The following RIC1 variants were observed in gnomAD, a reference collection of about 807,000 sequenced individuals.
The protein encoded by RIC1 is guanine nucleotide exchange factor subunit RIC1.
In RIC1, 88 loss-of-function variants were observed where a neutral mutation model predicts 169.0. The observed-to-expected ratio is 0.52, with a 90% CI of 0.44 to 0.62. The LOEUF is 0.62. Ranked by LOEUF, RIC1 falls within the 20% of genes least tolerant of loss-of-function variation. RIC1 has a pLI of 0.00. For missense variants in RIC1, 1,877 were observed against 1,725.5 expected, an observed-to-expected ratio of 1.09 and a Z score of -1.56; for synonymous variants, 790 against 601.5, an observed-to-expected ratio of 1.31 and a Z score of -4.59.
chr9:5,674,359 G>C (rs1013679582), intron 2 of RIC1, among the ~76,000 whole-genome samples: 1 of 151,980 alleles, frequency 6.6e-6, no homozygotes, highest in Non-Finnish European at 1.5e-5. Flanking sequence ...GCCCAAGTAA[G>C]GATGAATTAA....
At chr9:5,692,691 C>T (rs558609083) in intron 3 of RIC1, among the ~76,000 whole-genome samples, 2 of 151,932 alleles carry the variant, frequency 1.3e-5, no homozygotes, top group African/African-American at 4.8e-5. Flanking sequence ...AAAATAACTT[C>T]TTTCATTGTT....
At chr9:5,638,536 G>C (rs920881873) in intron 1 of RIC1, among the ~76,000 whole-genome samples, 1 of 152,124 alleles carries the variant, frequency 6.6e-6, no homozygotes, top group Non-Finnish European at 1.5e-5. Flanking sequence ...GTCTGTTCAG[G>C]TTTTGAATTT....
intron 7 of RIC1, among the ~76,000 whole-genome samples, chr9:5,733,500 C>A (rs1380371518): frequency 1.3e-5 from 2 of 151,952 alleles, no homozygotes; most frequent in African/African-American, 4.8e-5. Context: ...GATCTCCTGA[C>A]CTTGTGATCC....
chr9:5,777,162 A>G (rs980562010), downstream of RIC1, among the ~76,000 whole-genome samples: 2 of 152,136 alleles, frequency 1.3e-5, no homozygotes, highest in South Asian at 4.1e-4. Context: ...TTTTTGAAGA[A>G]AAATGTCTGT....
intron 3 of RIC1, among the ~76,000 whole-genome samples, chr9:5,710,597 G>A (rs539404733): frequency 6.6e-6 from 1 of 152,222 alleles, no homozygotes; most frequent in East Asian, 1.9e-4. Flanking sequence ...TAAGAACAAA[G>A]GACTAAACAT....
intron 7 of RIC1, among the ~76,000 whole-genome samples, chr9:5,736,432 A>G (rs1156257133): frequency 6.6e-6 from 1 of 152,198 alleles, no homozygotes. Flanking sequence ...GAGAAACAAA[A>G]TTATCTCTCT....
intron 3 of RIC1, chr9:5,712,810 T>G (rs976457895): frequency 6.6e-6 from 1 of 152,198 alleles, no homozygotes; most frequent in African/African-American, 2.4e-5. Flanking sequence ...GTCACATCAG[T>G]CAGACATGTT....
intron 3 of RIC1, among the ~76,000 whole-genome samples, chr9:5,690,582 C>G: frequency 7.0e-6 from 1 of 143,146 alleles, no homozygotes; most frequent in Non-Finnish European, 1.5e-5. Flanking sequence ...TTTTTTTAAT[C>G]AAGCCATAAA....
chr9:5,720,615 A>G lies in RIC1; in HGVS notation c.585A>G (p.Val195=), dbSNP rs1178386095. 2 of 1,585,372 alleles carry G rather than the reference A, an allele frequency of 1.3e-6. No homozygotes were observed. The highest frequency in any genetic ancestry group is 3.9e-5 in the Admixed American group (2 of 50,750). The part of the protein sequence containing the change: ...PFSVDLQSSR[V]GSFLGFTDVH... ...TCATGTGCTTATTTTTTTCATCAGT[A>G]GGTTCATTCCTGGGCTTCACAGACG... Residue 195 remains valine (V), a splice_region_variant and synonymous_variant, in exon 6 of 26, where the codon GTA becomes GTG. Transcript: ENST00000414202.
At chr9:5,754,790 TATA>T in intron 14 of RIC1, 48 bp from the exon 15 acceptor site, 1 of 1,068,194 alleles carries the variant, frequency 9.4e-7, no homozygotes, top group Non-Finnish European at 1.4e-6. Context: ...ATTACTTTGT[TATA>T]ATTTCTGGTA....
At chr9:5,732,054 G>A (rs895905961) in intron 6 of RIC1, among the ~76,000 whole-genome samples, 7 of 152,254 alleles carry the variant, frequency 4.6e-5, no homozygotes, top group Non-Finnish European at 1.0e-4. Context: ...TGCTGTTTCC[G>A]CTGTCAAAAT....
At position 5,747,354 on chromosome 9, in the gene RIC1, G is replaced by T; in HGVS notation, c.1301G>T (p.Cys434Phe). 6.2e-7 allele frequency: 1 copy of T among 1,614,066 alleles called. No individual in the cohort carries two copies. The highest frequency in any genetic ancestry group is 8.5e-7 in the Non-Finnish European group (1 of 1,179,958). Residue 434 changes from cysteine (C) to phenylalanine (F), a missense_variant, in exon 12 of 26, where the codon TGT becomes TTT. This residue lies in a region of RIC1 where 1,104 missense variants were observed against 992.0 expected (regional missense o/e 1.11). Coordinates refer to ENST00000414202, the MANE Select transcript of RIC1 (RefSeq NM_020829.4). ...LQGEDRLYLN[C>F]GEASQTQNPR... ...GGTGAGGATCGCTTGTACTTGAACT[G>T]TGGAGAGGCTTCACAAACCCAGAAT...
intron 2 of RIC1, among the ~76,000 whole-genome samples, chr9:5,681,704 C>T (rs932884916): frequency 6.6e-5 from 10 of 152,104 alleles, no homozygotes; most frequent in African/African-American, 2.4e-4. Flanking sequence ...TCCTTGTTAA[C>T]TTTCTGTCTC....
intron 6 of RIC1, among the ~76,000 whole-genome samples, chr9:5,725,718 A>G (rs1207925741): frequency 2.0e-5 from 3 of 151,954 alleles, no homozygotes; most frequent in African/African-American, 7.3e-5. Context: ...TTCCCTCTAC[A>G]CACTGCTTTA....
At chr9:5,666,227 A>C (rs1012780603) in intron 2 of RIC1, among the ~76,000 whole-genome samples, 4 of 152,208 alleles carry the variant, frequency 2.6e-5, no homozygotes, top group Non-Finnish European at 5.9e-5. Flanking sequence ...GCTGTGCTAC[A>C]CTGCAGGAAA....
rs749974767 is a variant in RIC1, at chr9:5,763,530, C to A, written c.2503C>A (p.Leu835Ile). The A allele has an allele frequency of 6.2e-7, 1 of 1,614,202 alleles. No individual in the cohort carries two copies. Residue 835 changes from leucine (L) to isoleucine (I), a missense_variant, in exon 19 of 26, where the codon CTT (leucine) becomes ATT (isoleucine). Physicochemically the swap from Leu to Ile is conservative, Grantham distance 5 (BLOSUM62 2). This residue lies in a region of RIC1 where 92 missense variants were observed against 151.5 expected (regional missense o/e 0.61). Coordinates refer to ENST00000414202, the MANE Select transcript of RIC1 (RefSeq NM_020829.4). The surrounding 1 kb of genome is among the most constrained non-coding windows in gnomAD (Gnocchi z 5.2). ...QIYLHHILRQLLVRNLGEQAL... is the reference protein window; with the variant it reads ...QIYLHHILRQILVRNLGEQAL... ...CTACCTCCACCACATTCTACGTCAA[C>A]TTCTGGTCAGAAACCTTGGGGAGCA...
At chr9:5,632,187 C>T (rs1183263795) in intron 1 of RIC1, among the ~76,000 whole-genome samples, 1 of 152,196 alleles carries the variant, frequency 6.6e-6, no homozygotes, top group Non-Finnish European at 1.5e-5. Flanking sequence ...CTTAGTAAAT[C>T]AGGCTCTCTT....
chr9:5,708,213 T>C (rs1447492019), intron 3 of RIC1, among the ~76,000 whole-genome samples: 2 of 152,188 alleles, frequency 1.3e-5, no homozygotes, highest in African/African-American at 4.8e-5. Context: ...GTTGTTGTTA[T>C]GACAAATTAC....
chr9:5,740,003 A>G (rs1043038187), intron 8 of RIC1, among the ~76,000 whole-genome samples: 1 of 152,192 alleles, frequency 6.6e-6, no homozygotes, highest in Non-Finnish European at 1.5e-5. Flanking sequence ...TATAGGAGAT[A>G]AGACCCTCAC....
Sources: allele counts gnomAD v4.1 joint callset (sites outside exome capture counted in the v4.1 genomes callset), GRCh38; gene constraint gnomAD v4.1.1; regional missense constraint gnomAD v4.1.1; non-coding constraint Gnocchi (gnomAD v3.1); transcripts MANE v1.5; gene names NCBI Gene and HGNC (gene_info 2026-07-23, HGNC 2026-07-21).